AGBL4: variants seen among roughly 807,000 people sequenced by gnomAD.
AGBL4 encodes the protein AGBL carboxypeptidase 4.
A neutral mutation model predicts 66.4 loss-of-function variants in AGBL4; 58 were observed. That is an observed-to-expected ratio of 0.87 (90% confidence interval 0.71 to 1.09). The LOEUF (loss-of-function observed/expected upper bound fraction) is 1.09. Among genes scored for constraint, AGBL4 ranks in the 50% least tolerant of loss-of-function variants. The pLI, the probability that AGBL4 is intolerant of heterozygous loss-of-function variation, is 0.00. For missense variants in AGBL4, 579 were observed against 631.0 expected (o/e 0.92, Z 0.88); for synonymous variants, 234 against 222.9 (o/e 1.05, Z -0.44).
intron 5 of AGBL4, among the ~76,000 whole-genome samples, chr1:48,921,721 C>T (rs1418569312): frequency 6.6e-6 from 1 of 152,110 alleles, no homozygotes; most frequent in Non-Finnish European, 1.5e-5. Flanking sequence ...GCAGATGGAG[C>T]CTCAAGGAGG....
chr1:49,897,431 A>C (rs2148181856), intron 1 of AGBL4, among the ~76,000 whole-genome samples: 1 of 152,172 alleles, frequency 6.6e-6, no homozygotes, highest in Admixed American at 6.5e-5. Flanking sequence ...AAAAACTATA[A>C]AAAATTGATT....
intron 12 of AGBL4, among the ~76,000 whole-genome samples, chr1:48,537,000 G>A (rs558557888): frequency 8.0e-4 from 121 of 152,188 alleles, no homozygotes; most frequent in Non-Finnish European, 1.4e-3. Flanking sequence ...AGCAGAAAGT[G>A]ACATATTGTA....
At chr1:48,636,233 A>G (rs1211223439) in intron 8 of AGBL4, among the ~76,000 whole-genome samples, 1 of 152,226 alleles carries the variant, frequency 6.6e-6, no homozygotes, top group African/African-American at 2.4e-5. Flanking sequence ...GCAAAAAAGA[A>G]AAAAGGAACA....
At chr1:49,425,995 T>A (rs1222483152) in intron 3 of AGBL4, among the ~76,000 whole-genome samples, 1 of 152,188 alleles carries the variant, frequency 6.6e-6, no homozygotes, top group Non-Finnish European at 1.5e-5. Context: ...AAGATGATAA[T>A]GAACAGATGA....
chr1:48,969,200 C>T (rs1202851126), intron 5 of AGBL4, among the ~76,000 whole-genome samples: 2 of 151,530 alleles, frequency 1.3e-5, no homozygotes, highest in Non-Finnish European at 2.9e-5. Context: ...GCATAAGGCA[C>T]CTAATTCACG....
chr1:49,477,924 T>C (rs986722873), intron 3 of AGBL4, among the ~76,000 whole-genome samples: 2 of 151,346 alleles, frequency 1.3e-5, no homozygotes, highest in African/African-American at 4.9e-5. Context: ...ACTGACACAC[T>C]GAAGAACACA....
chr1:48,685,840 G>A (rs1488831194), intron 6 of AGBL4, among the ~76,000 whole-genome samples: 1 of 152,168 alleles, frequency 6.6e-6, no homozygotes, highest in Non-Finnish European at 1.5e-5. Context: ...AGTATCTCTT[G>A]ATCACCAGCC....
At chr1:49,565,102 T>G (rs1164038057) in intron 3 of AGBL4, among the ~76,000 whole-genome samples, 1 of 152,234 alleles carries the variant, frequency 6.6e-6, no homozygotes, top group Non-Finnish European at 1.5e-5. Context: ...GTTTAAAGTC[T>G]GTTTTTTCTG....
chr1:49,472,404 C>G (rs1366484788), intron 3 of AGBL4, among the ~76,000 whole-genome samples: 1 of 151,880 alleles, frequency 6.6e-6, no homozygotes, highest in Admixed American at 6.6e-5. Flanking sequence ...AAGTAGCCAT[C>G]ATCAAAATGC....
intron 3 of AGBL4, among the ~76,000 whole-genome samples, chr1:49,453,061 G>A (rs899912451): frequency 6.6e-6 from 1 of 151,870 alleles, no homozygotes; most frequent in African/African-American, 2.4e-5. Context: ...CAGTGAACCA[G>A]GCAAGGGGAA....
At chr1:48,846,362 G>GAAGA (rs72459142) in intron 6 of AGBL4, among the ~76,000 whole-genome samples, 20,060 of 118,386 alleles carry the variant, frequency 0.17, 1,964 homozygotes, top group Admixed American at 0.22. Flanking sequence ...GAGAAAGAAA[G>GAAGA]AAGAAAGAAA....
At chr1:48,875,283 C>T (rs952619784) in intron 5 of AGBL4, among the ~76,000 whole-genome samples, 5 of 152,146 alleles carry the variant, frequency 3.3e-5, no homozygotes, top group African/African-American at 1.2e-4. Flanking sequence ...ATCTGGATGC[C>T]ATACCCGATC....
chr1:48,922,222 T>A (rs1341546598), intron 5 of AGBL4, among the ~76,000 whole-genome samples: 1 of 152,154 alleles, frequency 6.6e-6, no homozygotes, highest in Non-Finnish European at 1.5e-5. Flanking sequence ...CACTAATGAT[T>A]TATTTATTAA....
intron 6 of AGBL4, among the ~76,000 whole-genome samples, chr1:48,777,305 G>T (rs1645148577): frequency 1.3e-5 from 2 of 152,052 alleles, no homozygotes; most frequent in South Asian, 2.1e-4. Flanking sequence ...GCCAAGTAGA[G>T]AAGTGTATGA....
At chr1:48,999,981 C>G (rs1458696370) in intron 5 of AGBL4, among the ~76,000 whole-genome samples, 1 of 152,090 alleles carries the variant, frequency 6.6e-6, no homozygotes, top group East Asian at 1.9e-4. Context: ...CTGTCAAGAA[C>G]ACTTCTCTTC....
intron 3 of AGBL4, among the ~76,000 whole-genome samples, chr1:49,497,992 A>G (rs1647767948): frequency 6.6e-6 from 1 of 151,970 alleles, no homozygotes; most frequent in Non-Finnish European, 1.5e-5. Context: ...CAATATTCCA[A>G]TTTATGAACA....
intron 5 of AGBL4, among the ~76,000 whole-genome samples, chr1:48,920,514 A>T (rs1281230012): frequency 6.6e-6 from 1 of 152,218 alleles, no homozygotes; most frequent in Non-Finnish European, 1.5e-5. Context: ...TCACCTTCAT[A>T]TGCAGCTTTA....
rs1006942451 is a variant in AGBL4, at chr1:48,660,247, G to A, written c.724+2905C>T. Among the ~76,000 whole-genome samples, 5 of 152,340 alleles carry A rather than the reference G, an allele frequency of 3.3e-5. No homozygotes were observed. In the South Asian group the frequency reaches 8.3e-4, roughly 25 times the overall value. On this transcript the variant is annotated intron_variant, in intron 7 of 13. Transcript: ENST00000371839. ...TACCCTTGCTGCCACCCCTTCCAGA[G>A]CTATGTGGTGACAGGACTTCACTCT... is the stretch of plus-strand genomic sequence containing the variant.
intron 3 of AGBL4, among the ~76,000 whole-genome samples, chr1:49,609,546 C>A (rs1262384884): frequency 6.6e-6 from 1 of 152,080 alleles, no homozygotes; most frequent in Non-Finnish European, 1.5e-5. Context: ...AATCTGACAA[C>A]CTAAGATTGA....
Sources: gnomAD v4.1 joint callset for allele counts (sites outside exome capture counted in the v4.1 genomes callset) on GRCh38, gnomAD v4.1.1 for gene constraint, MANE v1.5 for transcripts, NCBI Gene and HGNC (gene_info 2026-07-23, HGNC 2026-07-21) for gene names.